GALNTL6: variants seen among roughly 807,000 people sequenced by gnomAD.
GALNTL6 encodes polypeptide N-acetylgalactosaminyltransferase like 6, also known as polypeptide N-acetylgalactosaminyltransferase-like 6.
In GALNTL6, 46 loss-of-function variants were observed where a neutral mutation model predicts 73.7. That is an observed-to-expected ratio of 0.62 (90% CI 0.49 to 0.80). GALNTL6 has a LOEUF of 0.80. Among genes scored for constraint, GALNTL6 ranks in the 30% least tolerant of loss-of-function variants. The pLI is 0.00. For synonymous variants in GALNTL6, 259 were observed against 263.7 expected, an observed-to-expected ratio of 0.98 and a Z score of 0.17; for missense variants, 604 against 755.0, an observed-to-expected ratio of 0.80 and a Z score of 2.34.
chr4:171,824,077 T>TTATATA (rs3080307), intron 2 of GALNTL6, among the ~76,000 whole-genome samples: 1,455 of 129,110 alleles, frequency 0.011, 33 homozygotes, highest in African/African-American at 0.035. Context: ...CAAATCCATT[T>TTATATA]TATATATATA....
intron 9 of GALNTL6, among the ~76,000 whole-genome samples, chr4:172,937,011 T>G (rs1748654355): frequency 1.3e-5 from 2 of 152,066 alleles, no homozygotes; most frequent in African/African-American, 4.8e-5. Flanking sequence ...CCTGGGCATC[T>G]CTGGTAGGGC....
chr4:172,942,564 T>G (rs1307950655), intron 9 of GALNTL6, among the ~76,000 whole-genome samples: 1 of 152,176 alleles, frequency 6.6e-6, no homozygotes, highest in Non-Finnish European at 1.5e-5. Flanking sequence ...AAGAACACCA[T>G]TCAGATTGTC....
At chr4:172,091,719 C>T (rs1732207794) in intron 2 of GALNTL6, among the ~76,000 whole-genome samples, 1 of 152,104 alleles carries the variant, frequency 6.6e-6, no homozygotes, top group Admixed American at 6.6e-5. Flanking sequence ...AGAATACTCA[C>T]AAACAGTTTC....
chr4:172,713,190 CA>C (rs1734819904), intron 5 of GALNTL6, among the ~76,000 whole-genome samples: 1 of 146,956 alleles, frequency 6.8e-6, no homozygotes, highest in Non-Finnish European at 1.5e-5. Flanking sequence ...TCCAGAAAAA[CA>C]AAAAGAATAA....
intron 2 of GALNTL6, among the ~76,000 whole-genome samples, chr4:171,896,575 T>C (rs114954019): frequency 0.012 from 1,885 of 152,314 alleles, 44 homozygotes; most frequent in African/African-American, 0.043. Context: ...AAAGCCAACT[T>C]TCCAATTCAC....
At chr4:172,014,635 G>C (rs1340405399) in intron 2 of GALNTL6, among the ~76,000 whole-genome samples, 2 of 151,892 alleles carry the variant, frequency 1.3e-5, no homozygotes, top group East Asian at 3.9e-4. Flanking sequence ...TTGAGGTGTG[G>C]CGTCAGATTG....
intron 2 of GALNTL6, among the ~76,000 whole-genome samples, chr4:171,859,134 C>T (rs1005014281): frequency 2.0e-5 from 3 of 152,122 alleles, no homozygotes; most frequent in African/African-American, 4.8e-5. Context: ...GTGTATCTTT[C>T]TGTGTTCCAC....
chr4:172,953,640 G>GCA (rs1413305939), intron 10 of GALNTL6, among the ~76,000 whole-genome samples: 1 of 152,194 alleles, frequency 6.6e-6, no homozygotes, highest in Non-Finnish European at 1.5e-5. Flanking sequence ...AGTCACAGGT[G>GCA]CACTGCTTGT....
intron 2 of GALNTL6, among the ~76,000 whole-genome samples, chr4:172,035,087 T>G (rs1172589014): frequency 6.6e-6 from 1 of 152,144 alleles, no homozygotes; most frequent in Non-Finnish European, 1.5e-5. Flanking sequence ...ACTTTTAGTG[T>G]GTCTATGGCA....
Position 171,826,520 on chromosome 4 carries a change from A to G in GALNTL6, c.138+11802A>G, listed in dbSNP as rs144109445. Among the ~76,000 whole-genome samples the G allele has an allele frequency of 3.9e-4, 59 of 152,144 alleles. 2 individuals carry two copies. The East Asian group carries it at 7.7e-3, about 20-fold the overall frequency. On this transcript the variant is annotated intron_variant, in intron 2 of 12. Coordinates refer to ENST00000506823, the MANE Select transcript of GALNTL6 (RefSeq NM_001034845.3). The stretch of plus-strand genomic sequence containing the variant: ...TAAACATGCTGAGGTTTCTCCCCCT[A>G]TTGGAGGGGGTAGGGGAGCCATTCC...
chr4:172,981,416 G>A (rs1287851712), intron 10 of GALNTL6, among the ~76,000 whole-genome samples: 1 of 152,188 alleles, frequency 6.6e-6, no homozygotes. Context: ...TGAATGTGAA[G>A]TGATATGTCA....
chr4:172,412,851 A>T (rs1322847016), intron 5 of GALNTL6, among the ~76,000 whole-genome samples: 1 of 152,198 alleles, frequency 6.6e-6, no homozygotes, highest in Non-Finnish European at 1.5e-5. Flanking sequence ...AAATCAGAAG[A>T]TAAGTGGACC....
At chr4:171,924,727 C>T (rs866404070) in intron 2 of GALNTL6, among the ~76,000 whole-genome samples, 1 of 152,168 alleles carries the variant, frequency 6.6e-6, no homozygotes, top group Non-Finnish European at 1.5e-5. Flanking sequence ...TTTATCAGAA[C>T]ATGACTAGAA....
At chr4:172,456,743 G>T (rs1279805310) in intron 5 of GALNTL6, among the ~76,000 whole-genome samples, 2 of 152,140 alleles carry the variant, frequency 1.3e-5, no homozygotes, top group African/African-American at 2.4e-5. Context: ...ACCTGAAAGT[G>T]ACGGGGAGAA....
intron 5 of GALNTL6, among the ~76,000 whole-genome samples, chr4:172,658,407 T>TAG (rs1488322948): frequency 7.5e-6 from 1 of 133,468 alleles, no homozygotes; most frequent in Non-Finnish European, 1.6e-5. Flanking sequence ...GCGGAGCTTG[T>TAG]AGTGAGCCGA....
chr4:172,345,501 T>A, intron 4 of GALNTL6, among the ~76,000 whole-genome samples: 1 of 152,196 alleles, frequency 6.6e-6, no homozygotes, highest in East Asian at 1.9e-4. Context: ...ATAATCGTTT[T>A]TTAAAAACTT....
intron 2 of GALNTL6, among the ~76,000 whole-genome samples, chr4:172,018,991 C>A (rs868572875): frequency 9.2e-5 from 14 of 152,192 alleles, no homozygotes; most frequent in Middle Eastern, 3.4e-3. Flanking sequence ...AGTTTAAATC[C>A]TTCTCCAGTG....
chr4:171,924,327 C>T (rs1737905775), intron 2 of GALNTL6, among the ~76,000 whole-genome samples: 1 of 151,980 alleles, frequency 6.6e-6, no homozygotes, highest in Non-Finnish European at 1.5e-5. Flanking sequence ...TGCAGTTTCA[C>T]AGGAGCATGA....
chr4:171,909,962 A>G (rs1474385736), intron 2 of GALNTL6, among the ~76,000 whole-genome samples: 1 of 152,140 alleles, frequency 6.6e-6, no homozygotes, highest in Admixed American at 6.6e-5. Flanking sequence ...AATGGCTTTG[A>G]TTTTTGGAAT....
Sources: gnomAD v4.1 joint callset for allele counts (sites outside exome capture counted in the v4.1 genomes callset) on GRCh38, gnomAD v4.1.1 for gene constraint, MANE v1.5 for transcripts, NCBI Gene and HGNC (gene_info 2026-07-23, HGNC 2026-07-21) for gene names.